TTC27: variants seen among roughly 807,000 people sequenced by gnomAD.
TTC27 encodes the protein tetratricopeptide repeat domain 27, also known as tetratricopeptide repeat protein 27.
TTC27 carries 79 observed loss-of-function variants against 115.9 expected under a neutral mutation model. The ratio of observed to expected loss-of-function variants is 0.68; its 90% CI spans 0.57 to 0.82. TTC27 has a LOEUF of 0.82. TTC27 is among the 40% of genes least tolerant of loss of function. The probability of loss-of-function intolerance (pLI) is 0.00; values close to 1 mark genes in which losing one functional copy is unlikely to be tolerated. For missense variants in TTC27, 1,054 were observed against 993.1 expected (o/e 1.06, Z -0.82); for synonymous variants, 401 against 356.0 (o/e 1.13, Z -1.42).
At chr2:32,665,181 A>C (rs1665726278) in intron 6 of TTC27, among the ~76,000 whole-genome samples, 1 of 152,024 alleles carries the variant, frequency 6.6e-6, no homozygotes, top group Non-Finnish European at 1.5e-5. Flanking sequence ...TAGTTCTATC[A>C]GTAAAATCCT....
At chr2:32,715,007 T>G (rs1404667081) in intron 10 of TTC27, among the ~76,000 whole-genome samples, 4 of 152,134 alleles carry the variant, frequency 2.6e-5, no homozygotes, top group Non-Finnish European at 5.9e-5. Flanking sequence ...TTGCAAATAT[T>G]TTCTCTCATT....
chr2:32,756,093 A>T (rs940665012), intron 12 of TTC27, among the ~76,000 whole-genome samples: 1 of 152,338 alleles, frequency 6.6e-6, no homozygotes, highest in East Asian at 1.9e-4. Flanking sequence ...CCAGGAGTAC[A>T]TTGCCTGAAA....
At chr2:32,804,707 A>G (rs1275229663) in intron 16 of TTC27, among the ~76,000 whole-genome samples, 1 of 152,014 alleles carries the variant, frequency 6.6e-6, no homozygotes, top group Non-Finnish European at 1.5e-5. Flanking sequence ...TGGCCGATGG[A>G]CCCAATAAGC....
chr2:32,669,896 A>AAG lies in TTC27; in HGVS notation c.940-2375_940-2374insGA, dbSNP rs1553547847. 1.2e-3 allele frequency among the ~76,000 whole-genome samples: 180 copies of AAG among 149,500 alleles called. 1 individual carries two copies. Among genetic ancestry groups the AAG allele is most frequent in the African/African-American group, 3.4e-3 (136 of 40,398 alleles). Reference sequence around the variant, plus strand: ...GTGAGACTTTCTCAAAAAAAAAAAAAAAAAAGAAAAGAAAGAAATGTTACA... The same window carrying AAG: ...GTGAGACTTTCTCAAAAAAAAAAAAAAGAAAAAGAAAAGAAAGAAATGTTACA... On this transcript the variant is annotated intron_variant, in intron 7 of 19. Coordinates refer to ENST00000317907, the MANE Select transcript of TTC27 (RefSeq NM_017735.5).
chr2:32,786,898 C>T lies in TTC27; in HGVS notation c.1833-86C>T, dbSNP rs58263004. ...TGAACGAATAAGGACGGACAGTCCA[C>T]ATTAGTATTTTATACATTTAGCTAT... On this transcript the variant is annotated intron_variant, in intron 15 of 19. Transcript: ENST00000317907. 386 of 1,175,788 alleles carry T rather than the reference C, an allele frequency of 3.3e-4. No individual in the cohort carries two copies. The African/African-American group carries it at 5.4e-3, about 16-fold the overall frequency. The allele number at this position is 1,175,788 out of a possible 1,614,324, so 72.8% of individuals were successfully genotyped here. A position where few individuals can be genotyped will look rare whatever the true frequency, so the allele number is the denominator to read the frequency against.
At chr2:32,659,939 A>G (rs1016214604) in intron 5 of TTC27, among the ~76,000 whole-genome samples, 1 of 151,968 alleles carries the variant, frequency 6.6e-6, no homozygotes, top group African/African-American at 2.4e-5. Flanking sequence ...GGTTGACTCC[A>G]AGTCTTTGCT....
chr2:32,699,321 A>T (rs894935004), intron 9 of TTC27, among the ~76,000 whole-genome samples: 1 of 152,232 alleles, frequency 6.6e-6, no homozygotes, highest in Non-Finnish European at 1.5e-5. Context: ...CCTTGTAGGC[A>T]TTGGGGTGAT....
chr2:32,688,295 A>T (rs1187551468), intron 9 of TTC27, among the ~76,000 whole-genome samples: 1 of 152,144 alleles, frequency 6.6e-6, no homozygotes, highest in Non-Finnish European at 1.5e-5. Context: ...AAGTTAAATC[A>T]TTGATCTCAA....
intron 11 of TTC27, among the ~76,000 whole-genome samples, chr2:32,735,999 A>G (rs1432162486): frequency 2.0e-5 from 3 of 152,214 alleles, no homozygotes; most frequent in East Asian, 1.9e-4. Flanking sequence ...TTAAGAGAGA[A>G]CAACACAGCT....
chr2:32,742,108 ATTG>A (rs1428582809), intron 12 of TTC27, among the ~76,000 whole-genome samples: 2 of 152,164 alleles, frequency 1.3e-5, no homozygotes, highest in Non-Finnish European at 2.9e-5. Context: ...CAAAATATGG[ATTG>A]TTTTCATCAC....
At chr2:32,696,718 C>T (rs1407833128) in intron 9 of TTC27, among the ~76,000 whole-genome samples, 3 of 152,110 alleles carry the variant, frequency 2.0e-5, no homozygotes, top group Non-Finnish European at 2.9e-5. Flanking sequence ...TCAGGCATGA[C>T]CCAGAAATGG....
intron 19 of TTC27, among the ~76,000 whole-genome samples, chr2:32,818,091 A>G (rs1239960119): frequency 6.6e-6 from 1 of 152,054 alleles, no homozygotes; most frequent in Non-Finnish European, 1.5e-5. Context: ...ACTAATGTTT[A>G]CAATTCAGCC....
At chr2:32,628,413 C>A (rs778228456) in intron 1 of TTC27, 33 bp downstream of exon 1, 1 of 1,523,764 alleles carries the variant, frequency 6.6e-7, no homozygotes, top group Non-Finnish European at 8.8e-7. Context: ...CTTAGGCTAT[C>A]GTGGGAACTG....
intron 16 of TTC27, among the ~76,000 whole-genome samples, chr2:32,805,178 G>C (rs1314362237): frequency 6.6e-6 from 1 of 152,178 alleles, no homozygotes; most frequent in Non-Finnish European, 1.5e-5. Context: ...AGGTTCTTCA[G>C]CTCCTCTGTG....
At chr2:32,680,546 G>A (rs1037629797) in intron 9 of TTC27, among the ~76,000 whole-genome samples, 1 of 152,098 alleles carries the variant, frequency 6.6e-6, no homozygotes, top group African/African-American at 2.4e-5. Flanking sequence ...CAGTGGGAGG[G>A]TGACACTGAA....
intron 8 of TTC27, among the ~76,000 whole-genome samples, chr2:32,675,994 G>T (rs1666185342): frequency 6.6e-6 from 1 of 151,884 alleles, no homozygotes; most frequent in Admixed American, 6.6e-5. Context: ...GTTTCACCAT[G>T]TTGGCCAAGC....
intron 13 of TTC27, among the ~76,000 whole-genome samples, chr2:32,764,333 C>A (rs1669548526): frequency 6.6e-6 from 1 of 151,876 alleles, no homozygotes; most frequent in Non-Finnish European, 1.5e-5. Context: ...TTTTGGTTTC[C>A]CAGGCACATA....
chr2:32,779,467 C>G (rs75866664), intron 14 of TTC27, among the ~76,000 whole-genome samples: 1 of 152,158 alleles, frequency 6.6e-6, no homozygotes, highest in Non-Finnish European at 1.5e-5. Flanking sequence ...TATTCACATC[C>G]TTACCCATTT....
intron 4 of TTC27, among the ~76,000 whole-genome samples, chr2:32,648,159 C>T (rs569401316): frequency 2.6e-5 from 4 of 151,118 alleles, no homozygotes; most frequent in Admixed American, 2.6e-4. Context: ...CGGAGTTTCA[C>T]TCTTGTTGCC....
Sources: allele counts gnomAD v4.1 joint callset (sites outside exome capture counted in the v4.1 genomes callset), GRCh38; gene constraint gnomAD v4.1.1; transcripts MANE v1.5; gene names NCBI Gene and HGNC (gene_info 2026-07-23, HGNC 2026-07-21).